EPCAM: variants seen among roughly 807,000 people sequenced by gnomAD.
EPCAM encodes the protein adenocarcinoma-associated antigen.
In EPCAM, 39 loss-of-function variants were observed where a neutral mutation model predicts 40.0. The observed-to-expected ratio is 0.98, with a 90% confidence interval of 0.76 to 1.27. The LOEUF (loss-of-function observed/expected upper bound fraction) is 1.27. Among genes scored for constraint, EPCAM ranks in the 50% most tolerant of loss-of-function variants. EPCAM has a pLI of 0.00. For synonymous variants in EPCAM, 168 were observed against 132.3 expected, an observed-to-expected ratio of 1.27 and a Z score of -1.85; for missense variants, 503 against 381.2, an observed-to-expected ratio of 1.32 and a Z score of -2.66.
intron 7 of EPCAM, among the ~76,000 whole-genome samples, chr2:47,384,853 C>G (rs773126174): frequency 6.6e-6 from 1 of 152,068 alleles, no homozygotes; most frequent in African/African-American, 2.4e-5. Context: ...ACTACAGGTG[C>G]GTGCCATGAC....
intron 1 of EPCAM, among the ~76,000 whole-genome samples, chr2:47,371,434 T>G (rs1391989023): frequency 6.6e-6 from 1 of 152,180 alleles, no homozygotes. Flanking sequence ...ATCTCTTGGT[T>G]TATTTGTAAG....
intron 7 of EPCAM, among the ~76,000 whole-genome samples, chr2:47,381,139 G>A (rs1470282127): frequency 7.2e-6 from 1 of 139,592 alleles, no homozygotes; most frequent in Non-Finnish European, 1.5e-5. Context: ...GCTCATGCCT[G>A]TAATCCCAGC....
chr2:47,377,278 C>G (rs1671451691), intron 5 of EPCAM, among the ~76,000 whole-genome samples: 1 of 152,048 alleles, frequency 6.6e-6, no homozygotes, highest in Admixed American at 6.6e-5. Flanking sequence ...GCTCTCTTCC[C>G]CAGGCTGGAG....
At chr2:47,384,361 C>T (rs1481763171) in intron 7 of EPCAM, among the ~76,000 whole-genome samples, 1 of 151,518 alleles carries the variant, frequency 6.6e-6, no homozygotes, top group African/African-American at 2.4e-5. Context: ...ACCTCAGCCT[C>T]TGAAAGTGGT....
intron 6 of EPCAM, 70 bp from the exon 7 acceptor site, chr2:47,379,699 T>C: frequency 6.5e-7 from 1 of 1,533,904 alleles, no homozygotes; most frequent in Non-Finnish European, 9.0e-7. Flanking sequence ...ATACAATTTG[T>C]ATGTAATTAT....
At chr2:47,371,357 C>T (rs1156606946) in intron 1 of EPCAM, among the ~76,000 whole-genome samples, 2 of 152,046 alleles carry the variant, frequency 1.3e-5, no homozygotes, top group Non-Finnish European at 2.9e-5. Flanking sequence ...ATTTCCCAGG[C>T]TCAAGCGATG....
chr2:47,380,536 A>G (rs1181664386), intron 7 of EPCAM, among the ~76,000 whole-genome samples: 1 of 152,202 alleles, frequency 6.6e-6, no homozygotes, highest in East Asian at 1.9e-4. Context: ...ATCTAGCAGC[A>G]AGCGTCTTTC....
chr2:47,379,085 A>G (rs1671506065), intron 6 of EPCAM, 31 bp downstream of exon 6: 1 of 1,127,230 alleles, frequency 8.9e-7, no homozygotes, highest in Non-Finnish European at 1.4e-6. Context: ...TCCTGTGTTC[A>G]GGAATGTAGT....
rs1301215885 is a variant in EPCAM at position 47,379,922 on chromosome 2, G to A, written c.811G>A (p.Val271Ile). Residue 271 changes from valine to isoleucine, a missense_variant, in exon 7 of 9, where the codon GTT becomes ATT. Coordinates refer to ENST00000263735, the MANE Select transcript of EPCAM (RefSeq NM_002354.3). ...MQGLKAGVIA[V>I]IVVVVIAVVA... is the part of the protein sequence containing the mutation. ...GGGTCTAAAAGCTGGTGTTATTGCT[G>A]TTATTGTGGTTGTGGTGATAGCAGT... The A allele has an allele frequency of 6.2e-7, 1 of 1,614,036 alleles. No homozygotes were observed. Among genetic ancestry groups the A allele is most frequent in the Admixed American group, 1.7e-5 (1 of 59,992 alleles).
chr2:47,369,313 A>G lies in EPCAM; in HGVS notation c.-193A>G. ...GTGCGCTCCGCCCCGCCGCGCGCAC[A>G]GAGCGCTAGTCCTTCGGCGAGCGAG... On this transcript the variant is annotated 5_prime_UTR_variant, in exon 1 of 9. Transcript: ENST00000263735. 7.3e-7 allele frequency: 1 copy of G among 1,364,814 alleles called. No homozygotes were observed. The highest frequency in any genetic ancestry group is 9.5e-7 in the Non-Finnish European group (1 of 1,049,224). The allele number at this position is 1,364,814 out of a possible 1,614,324, so 84.5% of individuals were successfully genotyped here.
chr2:47,373,734 T>C, intron 2 of EPCAM, 74 bp from the exon 3 acceptor site: 3 of 1,595,544 alleles, frequency 1.9e-6, no homozygotes, highest in Admixed American at 1.7e-5. Flanking sequence ...CCTGGAACTT[T>C]AGAGTTAATT....
rs1671174507 is a variant in EPCAM, at chr2:47,369,780, C to T, written c.76+199C>T. On this transcript the variant is annotated intron_variant, in intron 1 of 8. Coordinates refer to ENST00000263735, the MANE Select transcript of EPCAM (RefSeq NM_002354.3). ...AAACGGCGAGGGCCGTCCCGGGGAG[C>T]AGCCTCACTTCGCAGCTTTGCTCGC... 4.3e-6 allele frequency: 3 copies of T among 703,294 alleles called. No individual in the cohort carries two copies. The African/African-American group carries it at 5.3e-5, about 12-fold the overall frequency. The allele number at this position is 703,294 out of a possible 1,614,324, so 43.6% of individuals were successfully genotyped here. A position where few individuals can be genotyped will look rare whatever the true frequency, so the allele number is the denominator to read the frequency against.
intron 8 of EPCAM, among the ~76,000 whole-genome samples, 190 bp downstream of exon 8, chr2:47,385,400 C>T (rs1308362612): frequency 6.6e-6 from 1 of 152,170 alleles, no homozygotes; most frequent in East Asian, 1.9e-4. Flanking sequence ...TGGCAGATCA[C>T]CATCTGTTTT....
Position 47,379,021 on chromosome 2 carries a change from C to T in EPCAM, c.624C>T (p.Asp208=). Reference sequence around the variant, plus strand: ...CTCAAAAAACTCAGAATGATGTGGACATAGCTGATGTGGCTTATTATTTTG... The same window carrying T: ...CTCAAAAAACTCAGAATGATGTGGATATAGCTGATGTGGCTTATTATTTTG... ...NSSQKTQNDV[D]IADVAYYFEK... The change falls in exon 6 of 9, where the codon GAC becomes GAT. Residue 208 remains aspartate (D), a synonymous_variant. Transcript: ENST00000263735. 2 of 1,598,674 alleles carry T rather than the reference C, an allele frequency of 1.3e-6. No homozygotes were observed. The highest frequency in any genetic ancestry group is 1.7e-6 in the Non-Finnish European group (2 of 1,166,102).
chr2:47,379,735 A>G, intron 6 of EPCAM, 34 bp from the exon 7 acceptor site: 1 of 1,609,598 alleles, frequency 6.2e-7, no homozygotes, highest in South Asian at 1.1e-5. Flanking sequence ...GTTTCCTTAA[A>G]TATTTTTAAT....
intron 1 of EPCAM, among the ~76,000 whole-genome samples, chr2:47,372,987 C>G (rs1335339968): frequency 6.6e-6 from 1 of 151,854 alleles, no homozygotes; most frequent in Non-Finnish European, 1.5e-5. Flanking sequence ...AGGAGGATTG[C>G]TTGAGGCCAG....
intron 7 of EPCAM, among the ~76,000 whole-genome samples, chr2:47,384,495 C>T (rs1489744289): frequency 6.6e-6 from 1 of 151,934 alleles, no homozygotes; most frequent in South Asian, 2.1e-4. Flanking sequence ...CTCACTGCAA[C>T]CTCTGCCTCT....
rs551844962 is a variant in EPCAM, at chr2:47,372,329, AT to A, written c.77-1125del. Among the ~76,000 whole-genome samples, 30 of 151,568 alleles carry A rather than the reference AT, an allele frequency of 2.0e-4. No individual in the cohort carries two copies. In the South Asian group the frequency reaches 5.4e-3, roughly 27 times the overall value. On this transcript the variant is annotated intron_variant, in intron 1 of 8. Transcript: ENST00000263735. ...ACAGATCCTAGAATTGGAATAGTTG[AT>A]TTTTTTTTGTAAAAGAGGCGGTGAC...
At chr2:47,383,196 C>A (rs1225329031) in intron 7 of EPCAM, 1 of 151,276 alleles carries the variant, frequency 6.6e-6, no homozygotes, top group Non-Finnish European at 1.5e-5. Context: ...ATCCCAGCTA[C>A]TTGGGAGGCT....
Sources: allele counts gnomAD v4.1 joint callset (sites outside exome capture counted in the v4.1 genomes callset), GRCh38; gene constraint gnomAD v4.1.1; transcripts MANE v1.5; gene names NCBI Gene and HGNC (gene_info 2026-07-23, HGNC 2026-07-21).